Variants in TRIM5 observed in about 807,000 individuals in gnomAD.
The protein encoded by TRIM5 is tripartite motif containing 5, also known as tripartite motif-containing protein 5.
A neutral mutation model predicts 35.6 loss-of-function variants in TRIM5; 31 were observed. That is an observed-to-expected ratio of 0.87 (90% CI 0.65 to 1.18). TRIM5 has a LOEUF of 1.18. Ranked by LOEUF, TRIM5 falls within the 50% of genes most tolerant of loss-of-function variation. The probability of loss-of-function intolerance (pLI) is 0.00; values close to 1 mark genes in which losing one functional copy is unlikely to be tolerated. For synonymous variants in TRIM5, 243 were observed against 215.6 expected (o/e 1.13, Z -1.11); for missense variants, 609 against 591.6 (o/e 1.03, Z -0.31).
At chr11:5,667,855 AAGGCAATCATCCC>A (rs1291161427) in intron 4 of TRIM5, 144 bp from the exon 5 acceptor site, 1 of 791,028 alleles carries the variant, frequency 1.3e-6, no homozygotes, top group Non-Finnish European at 1.9e-6. Flanking sequence ...GATAAGACTC[AAGGCAATCATCCC>A]AGAAGACTCA....
chr11:5,683,714 C>T (rs1218590494), intron 1 of TRIM5, among the ~76,000 whole-genome samples: 1 of 152,022 alleles, frequency 6.6e-6, no homozygotes, highest in Non-Finnish European at 1.5e-5. Flanking sequence ...CTAGTGGGGA[C>T]TGGAGAACTT....
chr11:5,666,184 C>T, intron 5 of TRIM5, 103 bp from the exon 6 acceptor site: 3 of 966,036 alleles, frequency 3.1e-6, no homozygotes, highest in Non-Finnish European at 4.7e-6. Flanking sequence ...CACTTGAACT[C>T]TCTTCTTGGG....
the TRIM5 span, among the ~76,000 whole-genome samples, chr11:5,617,234 A>G: frequency 6.9e-6 from 1 of 144,822 alleles, no homozygotes; most frequent in Non-Finnish European, 1.5e-5. Flanking sequence ...CAGAGGAGAA[A>G]TGTTAGGAGA....
the TRIM5 span, among the ~76,000 whole-genome samples, chr11:5,651,988 G>C: frequency 6.6e-6 from 1 of 151,828 alleles, no homozygotes; most frequent in Non-Finnish European, 1.5e-5. Flanking sequence ...ATTTTAATGG[G>C]GTTGTTTGTT....
At chr11:5,589,189 T>C in the TRIM5 span, 2 of 152,004 alleles carry the variant, frequency 1.3e-5, no homozygotes, top group Non-Finnish European at 2.9e-5. Context: ...TTTATTTGTA[T>C]TCTAAACTGG....
chr11:5,643,002 G>A, the TRIM5 span: 6 of 1,330,734 alleles, frequency 4.5e-6, no homozygotes, highest in Admixed American at 2.8e-5. Context: ...CAATTCATCA[G>A]TGCAAGTTTT....
chr11:5,670,802 C>G (rs2342386), intron 4 of TRIM5, among the ~76,000 whole-genome samples: 45,388 of 151,980 alleles, frequency 0.3, 8,578 homozygotes, highest in African/African-American at 0.53. Context: ...AAGCTAGGAT[C>G]CTACACTTAA....
chr11:5,658,195 T>C (rs1056985495), downstream of TRIM5, among the ~76,000 whole-genome samples: 1 of 152,150 alleles, frequency 6.6e-6, no homozygotes, highest in Admixed American at 6.5e-5. Flanking sequence ...AGTAGCAAAT[T>C]GGTAGAAGAA....
intron 4 of TRIM5, among the ~76,000 whole-genome samples, chr11:5,668,542 C>T (rs1046869569): frequency 1.3e-5 from 2 of 151,810 alleles, no homozygotes; most frequent in Non-Finnish European, 2.9e-5. Flanking sequence ...CTCCGCCTCC[C>T]GGGTTCAAGC....
the TRIM5 span, among the ~76,000 whole-genome samples, chr11:5,640,055 G>T: frequency 6.6e-6 from 1 of 152,130 alleles, no homozygotes; most frequent in Non-Finnish European, 1.5e-5. Context: ...CACTGTTGTG[G>T]TATCAAATAC....
intron 4 of TRIM5, among the ~76,000 whole-genome samples, chr11:5,675,068 GC>G (rs1246035964): frequency 6.6e-6 from 1 of 151,426 alleles, no homozygotes; most frequent in Non-Finnish European, 1.5e-5. Context: ...TCGCACTGTT[GC>G]CCAGGCTGGA....
the TRIM5 span, among the ~76,000 whole-genome samples, chr11:5,618,521 G>T: frequency 6.6e-6 from 1 of 152,166 alleles, no homozygotes; most frequent in Non-Finnish European, 1.5e-5. Flanking sequence ...CCAAGATAAT[G>T]ATGAAAACTT....
the TRIM5 span, chr11:5,632,611 A>G: frequency 1.9e-6 from 3 of 1,613,548 alleles, no homozygotes; most frequent in Non-Finnish European, 2.5e-6. Context: ...TGGGAAGAAG[A>G]GAGATCTCTG....
chr11:5,666,312 C>A, intron 5 of TRIM5: 1 of 590,736 alleles, frequency 1.7e-6, no homozygotes. Context: ...CTCAGAAGCA[C>A]AGTTTCTTCC....
chr11:5,674,153 A>T (rs1287443276), intron 4 of TRIM5, among the ~76,000 whole-genome samples: 5 of 152,188 alleles, frequency 3.3e-5, no homozygotes, highest in Non-Finnish European at 7.3e-5. Context: ...AAAAAGGGAG[A>T]GAAAACAAAT....
chr11:5,645,914 T>TAAAAAA, the TRIM5 span: 1 of 160,840 alleles, frequency 6.2e-6, no homozygotes, highest in African/African-American at 2.8e-5. Context: ...TAGATATATA[T>TAAAAAA]AGATATATAT....
At chr11:5,662,311 G>A (rs1850856468), downstream of TRIM5, among the ~76,000 whole-genome samples, 1 of 152,132 alleles carries the variant, frequency 6.6e-6, no homozygotes, top group Admixed American at 6.6e-5. Flanking sequence ...GAAAGAGTTG[G>A]AAATAAAAAT....
the TRIM5 span, among the ~76,000 whole-genome samples, chr11:5,598,615 A>C: frequency 6.6e-6 from 1 of 152,314 alleles, no homozygotes. Flanking sequence ...AGATCCTTTA[A>C]CTTTTTTAAA....
chr11:5,589,745 G>A, the TRIM5 span: 56 of 162,356 alleles, frequency 3.4e-4, no homozygotes, highest in South Asian at 5.5e-3. Context: ...CCTCGCTCTC[G>A]GTGCCTCCTC....
Sources: allele counts gnomAD v4.1 joint callset (sites outside exome capture counted in the v4.1 genomes callset), GRCh38; gene constraint gnomAD v4.1.1; transcripts MANE v1.5; gene names NCBI Gene and HGNC (gene_info 2026-07-23, HGNC 2026-07-21).